WDR70: variants seen among roughly 807,000 people sequenced by gnomAD.
WDR70 encodes WD repeat domain 70, also known as WD repeat-containing protein 70.
WDR70 carries 53 observed loss-of-function variants against 88.6 expected under a neutral mutation model. The ratio of observed to expected loss-of-function variants is 0.60; its 90% CI spans 0.48 to 0.75. WDR70 has a LOEUF of 0.75. Ranked by LOEUF, WDR70 falls within the 30% of genes least tolerant of loss-of-function variation. The probability of loss-of-function intolerance (pLI) is 0.00; values close to 1 mark genes in which losing one functional copy is unlikely to be tolerated. For missense variants in WDR70, 610 were observed against 823.2 expected, an observed-to-expected ratio of 0.74 and a Z score of 3.17; for synonymous variants, 280 against 270.0, an observed-to-expected ratio of 1.04 and a Z score of -0.36.
chr5:37,434,808 T>C (rs540135792), intron 5 of WDR70, among the ~76,000 whole-genome samples: 1 of 152,358 alleles, frequency 6.6e-6, no homozygotes, highest in Admixed American at 6.5e-5. Context: ...GTAGCTCTTG[T>C]TATGAATTCT....
At chr5:37,455,457 G>A (rs1738804786) in intron 7 of WDR70, among the ~76,000 whole-genome samples, 1 of 151,410 alleles carries the variant, frequency 6.6e-6, no homozygotes, top group Non-Finnish European at 1.5e-5. Context: ...GGCCAGGCTG[G>A]TCTTGAACTC....
chr5:37,729,624 T>A (rs1748086219), intron 17 of WDR70, among the ~76,000 whole-genome samples: 1 of 152,224 alleles, frequency 6.6e-6, no homozygotes, highest in Admixed American at 6.5e-5. Flanking sequence ...TGGCATAGTT[T>A]GTTTACAGTT....
At chr5:37,487,621 A>ATTTTTTTTTTTTTTTTTTTTT (rs1561871968) in intron 8 of WDR70, among the ~76,000 whole-genome samples, 2 of 37,692 alleles carry the variant, frequency 5.3e-5, no homozygotes, top group Admixed American at 3.3e-4. Flanking sequence ...ATATATATAT[A>ATTTTTTTTTTTTTTTTTTTTT]TATGTATTTT....
intron 9 of WDR70, among the ~76,000 whole-genome samples, chr5:37,596,251 C>T (rs1358129070): frequency 3.3e-5 from 5 of 152,082 alleles, no homozygotes; most frequent in Admixed American, 6.6e-5. Context: ...TTTGTAGCTC[C>T]GATATAAAGC....
chr5:37,473,284 C>T (rs1009885638), intron 7 of WDR70, among the ~76,000 whole-genome samples: 2 of 150,346 alleles, frequency 1.3e-5, no homozygotes, highest in African/African-American at 4.9e-5. Context: ...ACACACACAG[C>T]AATAATCCTT....
chr5:37,562,067 G>C (rs1353459992), intron 9 of WDR70, among the ~76,000 whole-genome samples: 1 of 152,182 alleles, frequency 6.6e-6, no homozygotes, highest in Non-Finnish European at 1.5e-5. Context: ...TTTTTAAAAT[G>C]ACATACTAGG....
chr5:37,716,400 T>C (rs1475764397), intron 13 of WDR70, among the ~76,000 whole-genome samples: 2 of 152,190 alleles, frequency 1.3e-5, no homozygotes, highest in Non-Finnish European at 2.9e-5. Context: ...TAACTCCTTT[T>C]TAATACAAAC....
chr5:37,397,566 A>T (rs1244689023), intron 5 of WDR70, among the ~76,000 whole-genome samples: 4 of 152,206 alleles, frequency 2.6e-5, no homozygotes, highest in African/African-American at 9.6e-5. Flanking sequence ...ATCTAAAATT[A>T]TTGTCAACAA....
At chr5:37,618,090 CAT>C (rs970065227) in intron 10 of WDR70, among the ~76,000 whole-genome samples, 5 of 152,022 alleles carry the variant, frequency 3.3e-5, no homozygotes, top group Admixed American at 1.3e-4. Flanking sequence ...AAATAGAAAA[CAT>C]ATAAATATTT....
At chr5:37,541,663 C>T (rs1741820337) in intron 9 of WDR70, among the ~76,000 whole-genome samples, 1 of 151,822 alleles carries the variant, frequency 6.6e-6, no homozygotes, top group Non-Finnish European at 1.5e-5. Flanking sequence ...AAAAGGTGGG[C>T]ATGGAGAAAG....
At chr5:37,484,053 C>T (rs969730871) in intron 8 of WDR70, among the ~76,000 whole-genome samples, 13 of 150,718 alleles carry the variant, frequency 8.6e-5, no homozygotes, top group Admixed American at 1.3e-4. Flanking sequence ...CGGGAAGAGG[C>T]GCTCCTCACT....
intron 8 of WDR70, among the ~76,000 whole-genome samples, chr5:37,491,179 T>C (rs908719187): frequency 3.6e-4 from 55 of 152,294 alleles, no homozygotes; most frequent in Non-Finnish European, 8.8e-5. Flanking sequence ...TTCCCCACAC[T>C]GAGGAGCCTC....
At chr5:37,382,133 C>G (rs1019277758) in intron 3 of WDR70, among the ~76,000 whole-genome samples, 2 of 151,258 alleles carry the variant, frequency 1.3e-5, no homozygotes, top group African/African-American at 4.9e-5. Context: ...GAGTCTCGCC[C>G]TGTTGCCCAG....
chr5:37,507,290 A>G (rs551191100), intron 8 of WDR70, among the ~76,000 whole-genome samples: 1 of 152,292 alleles, frequency 6.6e-6, no homozygotes, highest in East Asian at 1.9e-4. Flanking sequence ...TTGTATACAG[A>G]GAATATGTAA....
intron 3 of WDR70, among the ~76,000 whole-genome samples, chr5:37,384,173 C>CCT (rs1561831572): frequency 9.3e-6 from 1 of 107,870 alleles, no homozygotes; most frequent in African/African-American, 3.4e-5. Context: ...ACTTTCCCCC[C>CCT]TTTTTTTTTT....
chr5:37,385,585 G>T (rs1320147998), intron 3 of WDR70, among the ~76,000 whole-genome samples: 1 of 72,090 alleles, frequency 1.4e-5, no homozygotes, highest in Admixed American at 1.7e-4. Context: ...GAGATTGGTG[G>T]GTGGGGATGA....
chr5:37,521,258 A>G (rs1377695934), intron 9 of WDR70, among the ~76,000 whole-genome samples: 5 of 152,234 alleles, frequency 3.3e-5, no homozygotes, highest in Non-Finnish European at 7.3e-5. Context: ...TCTGTGGTCA[A>G]ATAAATTTGA....
intron 10 of WDR70, among the ~76,000 whole-genome samples, chr5:37,684,471 T>A (rs905214517): frequency 6.6e-6 from 1 of 152,224 alleles, no homozygotes; most frequent in African/African-American, 2.4e-5. Context: ...GGATTTCTTT[T>A]TCTTTTATCC....
At chr5:37,477,751 A>C (rs7724308) in intron 7 of WDR70, among the ~76,000 whole-genome samples, 131,411 of 152,070 alleles carry the variant, frequency 0.86, 59,964 homozygotes, top group East Asian at 1. Flanking sequence ...ACAAGGAGAT[A>C]TTCTCCTCAT....
Sources: allele counts gnomAD v4.1 joint callset (sites outside exome capture counted in the v4.1 genomes callset), GRCh38; gene constraint gnomAD v4.1.1; transcripts MANE v1.5; gene names NCBI Gene and HGNC (gene_info 2026-07-23, HGNC 2026-07-21).